The following SSBP2 variants were observed in gnomAD, a reference collection of about 807,000 sequenced individuals.
SSBP2 encodes single-stranded DNA-binding protein 2.
Under a neutral mutation model 61.8 loss-of-function variants are expected in SSBP2, and 17 were observed. The ratio of observed to expected loss-of-function variants is 0.28; its 90% CI spans 0.19 to 0.41. SSBP2 has a LOEUF of 0.41. Ranked by LOEUF, SSBP2 falls within the 10% of genes least tolerant of loss-of-function variation. The pLI is 1.00. For synonymous variants in SSBP2, 139 were observed against 141.3 expected (o/e 0.98, Z 0.12); for missense variants, 310 against 458.7 (o/e 0.68, Z 2.96).
chr5:81,693,876 C>T (rs1753401347), intron 1 of SSBP2, among the ~76,000 whole-genome samples: 2 of 152,206 alleles, frequency 1.3e-5, no homozygotes, highest in Non-Finnish European at 1.5e-5. Context: ...GATACCTGCA[C>T]TCCCATATTT....
intron 4 of SSBP2, among the ~76,000 whole-genome samples, chr5:81,549,364 T>C (rs980848289): frequency 6.6e-6 from 1 of 152,204 alleles, no homozygotes; most frequent in Non-Finnish European, 1.5e-5. Context: ...TATTCGAGTA[T>C]CTTCCATGAG....
chr5:81,425,093 T>C (rs1463011273), intron 16 of SSBP2, among the ~76,000 whole-genome samples: 1 of 152,214 alleles, frequency 6.6e-6, no homozygotes, highest in East Asian at 1.9e-4. Context: ...TTATTTTATC[T>C]TTTAATGTGA....
At chr5:81,469,449 C>G (rs1441180172) in intron 8 of SSBP2, among the ~76,000 whole-genome samples, 2 of 151,820 alleles carry the variant, frequency 1.3e-5, no homozygotes, top group African/African-American at 4.8e-5. Context: ...GCTTCCATAG[C>G]CCTCAACGCT....
At chr5:81,700,750 C>T (rs146606942) in intron 1 of SSBP2, among the ~76,000 whole-genome samples, 48 of 152,278 alleles carry the variant, frequency 3.2e-4, no homozygotes, top group Admixed American at 2.8e-3. Context: ...ATTATGGAGA[C>T]GGGTTCTTTC....
At chr5:81,743,332 ATTCT>A (rs1757152651) in intron 1 of SSBP2, among the ~76,000 whole-genome samples, 1 of 152,114 alleles carries the variant, frequency 6.6e-6, no homozygotes, top group African/African-American at 2.4e-5. Flanking sequence ...TCTATGGCTG[ATTCT>A]TTCAGTTCTC....
chr5:81,498,762 G>T (rs6452416), intron 5 of SSBP2, among the ~76,000 whole-genome samples: 104,816 of 151,794 alleles, frequency 0.69, 38,228 homozygotes, highest in African/African-American at 0.91. Flanking sequence ...ATGTGTTAAC[G>T]CTCTTGAAGT....
intron 5 of SSBP2, among the ~76,000 whole-genome samples, chr5:81,510,337 C>G (rs1225514617): frequency 6.6e-6 from 1 of 152,160 alleles, no homozygotes; most frequent in African/African-American, 2.4e-5. Flanking sequence ...CAGATTAGAG[C>G]CAGAAACTAG....
chr5:81,624,430 T>G (rs371899389), intron 3 of SSBP2, among the ~76,000 whole-genome samples: 31 of 152,138 alleles, frequency 2.0e-4, no homozygotes, highest in African/African-American at 7.2e-4. Context: ...AGATTTAAAT[T>G]TTTTTTGATT....
At chr5:81,565,989 T>C (rs1400810770) in intron 4 of SSBP2, among the ~76,000 whole-genome samples, 1 of 152,154 alleles carries the variant, frequency 6.6e-6, no homozygotes, top group Admixed American at 6.6e-5. Context: ...AATCACTTAG[T>C]AGAAAGAACT....
Position 81,662,381 on chromosome 5 carries a change from C to T in SSBP2, c.63-12042G>A, listed in dbSNP as rs182137902. On this transcript the variant is annotated intron_variant, in intron 1 of 16. Coordinates refer to ENST00000320672, the MANE Select transcript of SSBP2 (RefSeq NM_012446.5). ...ACTTGGGAGGCTGAGGCAGAAGAAT[C>T]GCTTGAACCTGGAAGGCAGAGGTTG... Among the ~76,000 whole-genome samples, 20 of 152,144 alleles carry T rather than the reference C, an allele frequency of 1.3e-4. No homozygotes were observed. In the East Asian group the frequency reaches 1.4e-3, roughly 10 times the overall value.
intron 12 of SSBP2, among the ~76,000 whole-genome samples, chr5:81,446,102 C>T (rs1049086092): frequency 1.4e-4 from 21 of 152,260 alleles, no homozygotes; most frequent in South Asian, 4.1e-4. Context: ...CATCCTTCTA[C>T]ATAAATCTTG....
Position 81,473,317 on chromosome 5 carries a change from G to A in SSBP2, c.570+383C>T, listed in dbSNP as rs140590394. ...AGGTTTGTTACATAGGTATATGTAC[G>A]CCATGGTAGTTTGCGGCACCTATTA... On this transcript the variant is annotated intron_variant, in intron 8 of 16. Transcript: ENST00000320672. Among the ~76,000 whole-genome samples, 45 of 152,158 alleles carry A rather than the reference G, an allele frequency of 3.0e-4. No homozygotes were observed. The East Asian group carries it at 8.5e-3, about 29-fold the overall frequency.
chr5:81,681,245 C>T (rs527318128), intron 1 of SSBP2, among the ~76,000 whole-genome samples: 282 of 149,092 alleles, frequency 1.9e-3, no homozygotes, highest in African/African-American at 7.0e-3. Context: ...TATGGTCAGG[C>T]GCGGTGGCTC....
At chr5:81,721,429 T>C (rs771230407) in intron 1 of SSBP2, among the ~76,000 whole-genome samples, 1 of 152,116 alleles carries the variant, frequency 6.6e-6, no homozygotes, top group Non-Finnish European at 1.5e-5. Flanking sequence ...AAAAAGCTCA[T>C]GAACCAGTTC....
intron 1 of SSBP2, among the ~76,000 whole-genome samples, chr5:81,699,623 G>A (rs1753826417): frequency 6.6e-6 from 1 of 152,110 alleles, no homozygotes; most frequent in African/African-American, 2.4e-5. Context: ...TACCACATCT[G>A]CAGTGACTTC....
chr5:81,491,634 G>C (rs1447740095), intron 5 of SSBP2, among the ~76,000 whole-genome samples: 1 of 152,062 alleles, frequency 6.6e-6, no homozygotes, highest in African/African-American at 2.4e-5. Flanking sequence ...TCAAGAGAAA[G>C]AGACAGATTC....
intron 1 of SSBP2, among the ~76,000 whole-genome samples, chr5:81,674,557 A>T (rs919566801): frequency 6.6e-6 from 1 of 152,242 alleles, no homozygotes; most frequent in Non-Finnish European, 1.5e-5. Context: ...GTATATCAGT[A>T]TAAAACTTTT....
At chr5:81,519,738 CAG>C (rs1192359844) in intron 4 of SSBP2, among the ~76,000 whole-genome samples, 1 of 152,124 alleles carries the variant, frequency 6.6e-6, no homozygotes, top group Non-Finnish European at 1.5e-5. Context: ...CTTCGTGGAG[CAG>C]AGTCTGCCCG....
intron 1 of SSBP2, among the ~76,000 whole-genome samples, chr5:81,707,742 T>C (rs1754495130): frequency 6.6e-6 from 1 of 152,226 alleles, no homozygotes; most frequent in South Asian, 2.1e-4. Flanking sequence ...TCAGGAGTCC[T>C]AGATTCTAGG....
Sources: allele counts gnomAD v4.1 joint callset (sites outside exome capture counted in the v4.1 genomes callset), GRCh38; gene constraint gnomAD v4.1.1; transcripts MANE v1.5; gene names NCBI Gene and HGNC (gene_info 2026-07-23, HGNC 2026-07-21).